BRINP3: variants seen among roughly 807,000 people sequenced by gnomAD.
BRINP3 encodes BMP/retinoic acid-inducible neural-specific protein 3.
Under a neutral mutation model 71.0 loss-of-function variants are expected in BRINP3, and 19 were observed. The ratio of observed to expected loss-of-function variants is 0.27; its 90% confidence interval spans 0.19 to 0.39. The LOEUF is 0.39. BRINP3 is among the 10% of genes least tolerant of loss of function. The pLI is 1.00. For missense variants in BRINP3, 959 were observed against 940.8 expected (o/e 1.02, Z -0.25); for synonymous variants, 380 against 337.7 (o/e 1.13, Z -1.37).
intron 5 of BRINP3, among the ~76,000 whole-genome samples, chr1:190,232,252 C>T (rs1658062646): frequency 6.6e-6 from 1 of 151,920 alleles, no homozygotes; most frequent in Admixed American, 6.6e-5. Flanking sequence ...TTTTCAATTG[C>T]CACATACAGT....
intron 2 of BRINP3, among the ~76,000 whole-genome samples, chr1:190,365,636 T>C (rs1669438302): frequency 4.2e-5 from 6 of 144,536 alleles, no homozygotes; most frequent in Non-Finnish European, 9.0e-5. Context: ...TTTATAATTG[T>C]AATATAATGA....
At position 190,248,052 on chromosome 1, in the gene BRINP3, T is replaced by G. The variant is rs552496581; in HGVS notation, c.619-13575A>C. 1.0e-3 allele frequency among the ~76,000 whole-genome samples: 158 copies of G among 151,946 alleles called. 1 individual carries two copies. The highest frequency in any genetic ancestry group is 3.8e-3 in the African/African-American group (156 of 41,516). On this transcript the variant is annotated intron_variant, in intron 4 of 7. Coordinates refer to ENST00000367462, the MANE Select transcript of BRINP3 (RefSeq NM_199051.3). The stretch of plus-strand genomic sequence containing the variant: ...TATGGAGATCTCAGTGTCCCCTCTT[T>G]GCATGGTTTCTTTTTTATTCTGGTT...
At chr1:190,136,729 T>C (rs778357187) in intron 7 of BRINP3, among the ~76,000 whole-genome samples, 1 of 152,106 alleles carries the variant, frequency 6.6e-6, no homozygotes, top group Non-Finnish European at 1.5e-5. Flanking sequence ...ATTCTTACCT[T>C]AATTTTTACT....
At chr1:190,419,471 T>C (rs1407057094) in intron 2 of BRINP3, among the ~76,000 whole-genome samples, 1 of 152,068 alleles carries the variant, frequency 6.6e-6, no homozygotes, top group East Asian at 1.9e-4. Flanking sequence ...GCACCTAATA[T>C]ACCTAAACTT....
At position 190,437,248 on chromosome 1, in the gene BRINP3, A is replaced by G. The variant is rs74442317; in HGVS notation, c.236+17407T>C. On this transcript the variant is annotated intron_variant, in intron 2 of 7. Coordinates refer to ENST00000367462, the MANE Select transcript of BRINP3 (RefSeq NM_199051.3). ...ACAGATACAAGACCTTGGACAATTTATTTAACTTTTTGGGCTTTTCTCCAT... is the reference window on the plus strand; with the variant it reads ...ACAGATACAAGACCTTGGACAATTTGTTTAACTTTTTGGGCTTTTCTCCAT... 6.6e-5 allele frequency among the ~76,000 whole-genome samples: 10 copies of G among 151,874 alleles called. No individual in the cohort carries two copies. In the East Asian group the frequency reaches 1.9e-3, roughly 29 times the overall value.
At position 190,433,122 on chromosome 1, in the gene BRINP3, T is replaced by C. The variant is rs1209984078; in HGVS notation, c.236+21533A>G. ...TAGAATTAAAGAAGGTGGAAGTTTT[T>C]AGTTTTGTTTTATGGACCCCTGTCC... On this transcript the variant is annotated intron_variant, in intron 2 of 7. Coordinates refer to ENST00000367462, the MANE Select transcript of BRINP3 (RefSeq NM_199051.3). Among the ~76,000 whole-genome samples the C allele has an allele frequency of 3.3e-5, 5 of 152,280 alleles. No individual in the cohort carries two copies. The South Asian group carries it at 8.3e-4, about 25-fold the overall frequency.
intron 2 of BRINP3, among the ~76,000 whole-genome samples, chr1:190,368,450 GT>G (rs1669648280): frequency 6.6e-6 from 1 of 151,906 alleles, no homozygotes; most frequent in Non-Finnish European, 1.5e-5. Context: ...GAGTGGTTAA[GT>G]TAAATATTAA....
intron 7 of BRINP3, among the ~76,000 whole-genome samples, chr1:190,101,329 T>G (rs1336850131): frequency 6.6e-6 from 1 of 152,162 alleles, no homozygotes; most frequent in Non-Finnish European, 1.5e-5. Flanking sequence ...CATCAATATA[T>G]GAGTGTCTCT....
intron 2 of BRINP3, among the ~76,000 whole-genome samples, chr1:190,332,820 A>G (rs1267727230): frequency 6.6e-6 from 1 of 151,942 alleles, no homozygotes; most frequent in Non-Finnish European, 1.5e-5. Flanking sequence ...GACAATAAAT[A>G]TTTGTTTCCT....
At chr1:190,348,041 T>C (rs1333301850) in intron 2 of BRINP3, among the ~76,000 whole-genome samples, 1 of 152,076 alleles carries the variant, frequency 6.6e-6, no homozygotes, top group Non-Finnish European at 1.5e-5. Context: ...GACTTAAACC[T>C]AGGAAGCATA....
intron 6 of BRINP3, among the ~76,000 whole-genome samples, chr1:190,220,520 A>G (rs1656784948): frequency 6.6e-6 from 1 of 152,052 alleles, no homozygotes; most frequent in South Asian, 2.1e-4. Flanking sequence ...TGCACATGTA[A>G]CGCAGAACTT....
intron 3 of BRINP3, among the ~76,000 whole-genome samples, chr1:190,273,395 T>C (rs1453731712): frequency 1.3e-5 from 2 of 151,608 alleles, no homozygotes; most frequent in Non-Finnish European, 1.5e-5. Context: ...TTCAACATTC[T>C]GAGTCTGTTA....
rs79407161 is a variant in BRINP3, at chr1:190,107,951, T to C, written c.1185-8817A>G. On this transcript the variant is annotated intron_variant, in intron 7 of 7. Transcript: ENST00000367462. ...TGACTGCTATGTCATCAAATAACAA[T>C]ATGGCCTTCTAGACTCTATATTATT... Among the ~76,000 whole-genome samples, 1,434 of 152,126 alleles carry C rather than the reference T, an allele frequency of 9.4e-3. 23 individuals carry two copies. The highest frequency in any genetic ancestry group is 0.033 in the African/African-American group (1,375 of 41,536).
intron 2 of BRINP3, among the ~76,000 whole-genome samples, chr1:190,403,033 A>C (rs1041289619): frequency 1.3e-5 from 2 of 152,050 alleles, no homozygotes; most frequent in Non-Finnish European, 2.9e-5. Context: ...GTCCGGCAAA[A>C]CTTCTGGTTT....
intron 1 of BRINP3, among the ~76,000 whole-genome samples, chr1:190,457,433 G>T (rs1448831482): frequency 7.1e-6 from 1 of 140,150 alleles, no homozygotes; most frequent in Non-Finnish European, 1.5e-5. Flanking sequence ...AACAGAGGGA[G>T]GCTCTGTCTC....
intron 3 of BRINP3, among the ~76,000 whole-genome samples, chr1:190,272,433 TC>T (rs1662188700): frequency 6.6e-6 from 1 of 151,436 alleles, no homozygotes; most frequent in African/African-American, 2.4e-5. Context: ...TACTTAGCAT[TC>T]CCATCTCTAA....
chr1:190,197,191 T>G (rs1300841882), intron 6 of BRINP3, among the ~76,000 whole-genome samples: 1 of 150,578 alleles, frequency 6.6e-6, no homozygotes, highest in Non-Finnish European at 1.5e-5. Context: ...TCAGATCTGA[T>G]GAGATTCAAT....
chr1:190,469,645 T>C (rs1324631502), intron 1 of BRINP3, among the ~76,000 whole-genome samples: 1 of 151,012 alleles, frequency 6.6e-6, no homozygotes, highest in African/African-American at 2.4e-5. Context: ...AATATTACCA[T>C]ACTAAAGTCA....
intron 6 of BRINP3, among the ~76,000 whole-genome samples, chr1:190,199,497 G>T (rs879569053): frequency 6.6e-6 from 1 of 151,998 alleles, no homozygotes; most frequent in African/African-American, 2.4e-5. Context: ...GGCTCTAATG[G>T]TTAGTTTAGT....
Sources: gnomAD v4.1 joint callset for allele counts (sites outside exome capture counted in the v4.1 genomes callset) on GRCh38, gnomAD v4.1.1 for gene constraint, MANE v1.5 for transcripts, NCBI Gene and HGNC (gene_info 2026-07-23, HGNC 2026-07-21) for gene names.